Variants in ZNF395 observed in about 807,000 individuals in gnomAD.
The protein encoded by ZNF395 is zinc finger protein 395, also known as HD gene regulatory region-binding protein 2.
Under a neutral mutation model 57.7 loss-of-function variants are expected in ZNF395, and 20 were observed. The ratio of observed to expected loss-of-function variants is 0.35; its 90% confidence interval spans 0.24 to 0.50. The LOEUF is 0.50. Among genes scored for constraint, ZNF395 ranks in the 20% least tolerant of loss-of-function variants. ZNF395 has a pLI of 0.97. For missense variants in ZNF395, 606 were observed against 671.2 expected, an observed-to-expected ratio of 0.90 and a Z score of 1.07; for synonymous variants, 295 against 275.9, an observed-to-expected ratio of 1.07 and a Z score of -0.69.
Position 28,375,837 on chromosome 8 carries a change from A to C in ZNF395, c.-59+10556T>G, listed in dbSNP as rs538389014. 9.2e-5 allele frequency among the ~76,000 whole-genome samples: 14 copies of C among 152,296 alleles called. 1 individual carries two copies. In the South Asian group the frequency reaches 2.5e-3, roughly 27 times the overall value. On this transcript the variant is annotated intron_variant, in intron 1 of 9. Transcript: ENST00000344423. ...AAGAGCAATTCATTTTCAGCAGAAG[A>C]AAAATAGAAAGAGGAGAGGGAGTTT...
Position 28,348,678 on chromosome 8 carries a change from T to TG in ZNF395, c.*40dup. 6.3e-7 allele frequency: 1 copy of TG among 1,583,108 alleles called. No homozygotes were observed. Among genetic ancestry groups the TG allele is most frequent in the Non-Finnish European group, 8.7e-7 (1 of 1,152,538 alleles). On this transcript the variant is annotated 3_prime_UTR_variant, in exon 10 of 10. Coordinates refer to ENST00000344423, the MANE Select transcript of ZNF395 (RefSeq NM_018660.3). ...GACACACTGGCCTCTTGTCAGTGGC[T>TG]GCCGGCAGGGCCAGGAACAGAGTAG... is the stretch of plus-strand genomic sequence containing the variant.
intron 1 of ZNF395, among the ~76,000 whole-genome samples, chr8:28,378,379 T>C (rs1039323504): frequency 2.0e-5 from 3 of 152,168 alleles, no homozygotes; most frequent in Non-Finnish European, 4.4e-5. Flanking sequence ...GCTGGGACCA[T>C]GGGCAGGTGT....
chr8:28,358,020 C>G (rs762841770), intron 3 of ZNF395, among the ~76,000 whole-genome samples: 2 of 152,152 alleles, frequency 1.3e-5, no homozygotes, highest in African/African-American at 2.4e-5. Flanking sequence ...TTCTGAATAT[C>G]TAAGCCAGGG....
In ZNF395 at chr8:28,352,794, A is replaced by G. The variant is rs1306057274; in HGVS notation, c.820-121T>C. On this transcript the variant is annotated intron_variant, in intron 5 of 9. Coordinates refer to ENST00000344423, the MANE Select transcript of ZNF395 (RefSeq NM_018660.3). This position sits in a 1 kb window ranked among gnomAD's most constrained non-coding sequence, Gnocchi z 4.0. ...GCCTGACCCAACAAAAACCTCCAGG[A>G]AAGGGGTTCTCTGGGACCAGAGAAA... The G allele has an allele frequency of 1.3e-6, 1 of 777,182 alleles. No homozygotes were observed. Among genetic ancestry groups the G allele is most frequent in the Non-Finnish European group, 2.1e-6 (1 of 477,102 alleles). The allele number at this position is 777,182 out of a possible 1,614,324, so 48.1% of individuals were successfully genotyped here. A position where few individuals can be genotyped will look rare whatever the true frequency, so the allele number is the denominator to read the frequency against.
At chr8:28,377,323 G>A (rs963389071) in intron 1 of ZNF395, among the ~76,000 whole-genome samples, 3 of 152,106 alleles carry the variant, frequency 2.0e-5, no homozygotes, top group Admixed American at 6.6e-5. Flanking sequence ...AGGATGCCTC[G>A]AGCCCAGTGG....
chr8:28,361,267 G>A lies in ZNF395; in HGVS notation c.-58-85C>T. Reference sequence around the variant, plus strand: ...TACTAAAATAAGTGAACCCTTTAAAGTCAACTTCTAGCATCCTTCCCTTTT... The same window carrying A: ...TACTAAAATAAGTGAACCCTTTAAAATCAACTTCTAGCATCCTTCCCTTTT... On this transcript the variant is annotated intron_variant, in intron 1 of 9. Transcript: ENST00000344423. The A allele has an allele frequency of 4.4e-6, 5 of 1,140,248 alleles. No homozygotes were observed. In the South Asian group the frequency reaches 5.8e-5, roughly 13 times the overall value. 70.6% of individuals were successfully genotyped at this position (1,140,248 alleles called of 1,614,324 possible).
chr8:28,363,345 T>C (rs939302034), intron 1 of ZNF395, among the ~76,000 whole-genome samples: 10 of 151,988 alleles, frequency 6.6e-5, no homozygotes, highest in Non-Finnish European at 1.3e-4. Context: ...TTGCCCAGGG[T>C]GGTCTCAAAC....
intron 1 of ZNF395, among the ~76,000 whole-genome samples, chr8:28,369,616 G>A (rs926751240): frequency 3.9e-5 from 6 of 152,162 alleles, no homozygotes; most frequent in African/African-American, 1.4e-4. Context: ...TTTCGGTACC[G>A]GGTCTCTTTC....
intron 1 of ZNF395, among the ~76,000 whole-genome samples, chr8:28,383,816 T>C (rs985363579): frequency 6.6e-6 from 1 of 152,084 alleles, no homozygotes; most frequent in Non-Finnish European, 1.5e-5. Context: ...CTCAGAGCCA[T>C]AGCTGCTTGC....
Position 28,359,659 on chromosome 8 carries a change from G to C in ZNF395, c.406C>G (p.Pro136Ala), listed in dbSNP as rs1461702582. The change falls in exon 3 of 10, where the codon CCC becomes GCC. Residue 136 changes from proline to alanine, a missense_variant. Coordinates refer to ENST00000344423, the MANE Select transcript of ZNF395 (RefSeq NM_018660.3). This position sits in a 1 kb window ranked among gnomAD's most constrained non-coding sequence, Gnocchi z 4.7. ...AGGGCCTGGGCTCCGGGCTCCAGGG[G>C]TGGTGCCTGGGGACAGGGGCCCTGC... ...ELQGPCPQAP[P>A]LEPGAQALAY... 12 of 1,613,860 alleles carry C rather than the reference G, an allele frequency of 7.4e-6. No individual in the cohort carries two copies. The highest frequency in any genetic ancestry group is 1.0e-5 in the Non-Finnish European group (12 of 1,179,880).
chr8:28,346,010 T>A lies in ZNF395; in HGVS notation c.*2709A>T, dbSNP rs980620421. ...GCTATTTTACTTTAAATGGTCCTTT[T>A]GCTTTGCACCTGAGACCTCGCTTGG... On this transcript the variant is annotated 3_prime_UTR_variant, in exon 10 of 10. Coordinates refer to ENST00000344423, the MANE Select transcript of ZNF395 (RefSeq NM_018660.3). The A allele has an allele frequency of 1.3e-5, 2 of 152,204 alleles. No individual in the cohort carries two copies. The highest frequency in any genetic ancestry group is 1.9e-4 in the East Asian group (1 of 5,200). 9.4% of individuals were successfully genotyped at this position (152,204 alleles called of 1,614,324 possible). A position where few individuals can be genotyped will look rare whatever the true frequency, so the allele number is the denominator to read the frequency against.
chr8:28,366,085 C>T (rs1437087588), intron 1 of ZNF395, among the ~76,000 whole-genome samples: 1 of 152,184 alleles, frequency 6.6e-6, no homozygotes, highest in Non-Finnish European at 1.5e-5. Flanking sequence ...TGATTCACTG[C>T]ACAACTCGTG....
intron 1 of ZNF395, chr8:28,386,135 C>G (rs933796758): frequency 6.8e-6 from 1 of 147,644 alleles, no homozygotes; most frequent in African/African-American, 2.4e-5. Flanking sequence ...CGCGGCCCGG[C>G]TCCGCTCCGG....
At chr8:28,385,758 G>C (rs1397926754) in intron 1 of ZNF395, among the ~76,000 whole-genome samples, 3 of 148,374 alleles carry the variant, frequency 2.0e-5, no homozygotes, top group Non-Finnish European at 4.5e-5. Flanking sequence ...GTCGGGAGGG[G>C]GCTCCGAGAG....
intron 1 of ZNF395, among the ~76,000 whole-genome samples, chr8:28,362,542 C>G (rs1432940852): frequency 2.0e-5 from 3 of 152,224 alleles, no homozygotes; most frequent in Non-Finnish European, 2.9e-5. Context: ...TAATTCCACT[C>G]AGGTGTGCCC....
intron 1 of ZNF395, among the ~76,000 whole-genome samples, chr8:28,361,734 C>T (rs538694971): frequency 2.6e-5 from 4 of 152,274 alleles, no homozygotes; most frequent in African/African-American, 4.8e-5. Context: ...AGCCTGAGGA[C>T]GTCTGTCTGA....
At chr8:28,386,314 GAC>G (rs1802180431) in intron 1 of ZNF395, 77 bp downstream of exon 1, 1 of 150,456 alleles carries the variant, frequency 6.6e-6, no homozygotes, top group African/African-American at 2.4e-5. Context: ...CGACACTCGG[GAC>G]ACACCCCCGC....
chr8:28,372,714 G>A (rs368129228), intron 1 of ZNF395, among the ~76,000 whole-genome samples: 3 of 152,234 alleles, frequency 2.0e-5, no homozygotes, highest in African/African-American at 7.2e-5. Context: ...TTGAGCCTGG[G>A]AGGTTGAGGC....
chr8:28,351,561 G>A lies in ZNF395; in HGVS notation c.1167C>T (p.Pro389=), dbSNP rs140079075. The change falls in exon 7 of 10, where the codon CCC becomes CCT. Residue 389 remains proline, a synonymous_variant. Transcript: ENST00000344423. ...GAGCTGACTTGCTGAGAGCCCCTGAGGGCAGGGAGGACTCCGGGCCAGGAT... is the reference window on the plus strand; with the variant it reads ...GAGCTGACTTGCTGAGAGCCCCTGAAGGCAGGGAGGACTCCGGGCCAGGAT... ...PEHPGPESSL[P]SGALSKSAPG... The A allele has an allele frequency of 3.6e-5, 58 of 1,613,904 alleles. 1 individual carries two copies. The African/African-American group carries it at 4.0e-4, about 11-fold the overall frequency.
Sources: allele counts gnomAD v4.1 joint callset (sites outside exome capture counted in the v4.1 genomes callset), GRCh38; gene constraint gnomAD v4.1.1; non-coding constraint Gnocchi (gnomAD v3.1); transcripts MANE v1.5; gene names NCBI Gene and HGNC (gene_info 2026-07-23, HGNC 2026-07-21).